Variants in NAV3 observed in about 807,000 individuals in gnomAD.
The protein encoded by NAV3 is pore membrane and/or filament interacting like protein 1.
In NAV3, 87 loss-of-function variants were observed where a neutral mutation model predicts 244.7. The observed-to-expected ratio is 0.36, with a 90% confidence interval of 0.30 to 0.42. NAV3 has a LOEUF of 0.42. Among genes scored for constraint, NAV3 ranks in the 20% least tolerant of loss-of-function variants. NAV3 has a pLI of 1.00. For synonymous variants in NAV3, 1,126 were observed against 1,042.2 expected (o/e 1.08, Z -1.55); for missense variants, 2,663 against 2,893.3 (o/e 0.92, Z 1.83).
At chr12:77,778,313 A>C (rs934532645) in intron 2 of NAV3, among the ~76,000 whole-genome samples, 43 of 149,380 alleles carry the variant, frequency 2.9e-4, no homozygotes, top group Non-Finnish European at 1.9e-4. Flanking sequence ...CAAATTTCGT[A>C]ATGAGAATGC....
intron 2 of NAV3, among the ~76,000 whole-genome samples, chr12:77,643,191 T>C (rs1001791777): frequency 6.6e-6 from 1 of 152,076 alleles, no homozygotes; most frequent in African/African-American, 2.4e-5. Flanking sequence ...ATTGTTTTAC[T>C]TCTTATGTCT....
At chr12:78,207,186 T>G (rs541346129) in intron 39 of NAV3, among the ~76,000 whole-genome samples, 2 of 152,264 alleles carry the variant, frequency 1.3e-5, no homozygotes, top group Admixed American at 1.3e-4. Context: ...CACTATTTAG[T>G]GTCAAGAAAC....
At chr12:77,614,176 C>T (rs1288135666) in intron 2 of NAV3, among the ~76,000 whole-genome samples, 3 of 137,662 alleles carry the variant, frequency 2.2e-5, no homozygotes, top group Non-Finnish European at 4.6e-5. Flanking sequence ...GATACTTACT[C>T]TTAGCAGCAT....
chr12:77,816,471 A>G (rs147723687), intron 2 of NAV3, among the ~76,000 whole-genome samples: 1,729 of 152,298 alleles, frequency 0.011, 25 homozygotes, highest in South Asian at 0.028. Context: ...TTAATTATTA[A>G]GTACTATCCA....
chr12:77,731,394 A>G (rs963620130), intron 2 of NAV3, among the ~76,000 whole-genome samples: 3 of 152,038 alleles, frequency 2.0e-5, no homozygotes, highest in Non-Finnish European at 2.9e-5. Flanking sequence ...GAGGTGCTCA[A>G]TTATACAAAA....
At chr12:77,667,181 T>A (rs986442565) in intron 2 of NAV3, among the ~76,000 whole-genome samples, 2 of 152,062 alleles carry the variant, frequency 1.3e-5, no homozygotes, top group African/African-American at 4.8e-5. Flanking sequence ...ACAGACAGAG[T>A]AGCATGTGAA....
intron 26 of NAV3, 43 bp from the exon 27 acceptor site, chr12:78,177,098 A>G: frequency 1.9e-6 from 3 of 1,609,818 alleles, no homozygotes; most frequent in Non-Finnish European, 2.5e-6. Flanking sequence ...AAAGCTCTCC[A>G]AGTGCAAATA....
chr12:78,066,691 T>A (rs1014562218), intron 12 of NAV3, among the ~76,000 whole-genome samples: 12 of 152,120 alleles, frequency 7.9e-5, no homozygotes, highest in African/African-American at 2.9e-4. Flanking sequence ...TCATATATAA[T>A]CATGCTTTTA....
intron 8 of NAV3, among the ~76,000 whole-genome samples, chr12:78,016,487 G>A (rs749743145): frequency 2.6e-5 from 4 of 151,932 alleles, no homozygotes; most frequent in Non-Finnish European, 4.4e-5. Flanking sequence ...CCCCTGAATC[G>A]AGTAAATCTT....
chr12:77,850,879 T>G (rs1877406869), intron 1 of NAV3, among the ~76,000 whole-genome samples: 1 of 152,298 alleles, frequency 6.6e-6, no homozygotes, highest in South Asian at 2.1e-4. Context: ...GCTGTGAGAC[T>G]TGGGCTATGT....
intron 2 of NAV3, among the ~76,000 whole-genome samples, chr12:77,699,714 G>A (rs550290628): frequency 1.3e-5 from 2 of 152,022 alleles, no homozygotes; most frequent in African/African-American, 4.8e-5. Context: ...AGTGGCTTCA[G>A]GGTAGTTGAA....
At chr12:77,832,269 T>A (rs1237994033) in intron 1 of NAV3, among the ~76,000 whole-genome samples, 4 of 152,216 alleles carry the variant, frequency 2.6e-5, no homozygotes, top group African/African-American at 9.6e-5. Flanking sequence ...GAAACGCTAC[T>A]CTTTTACTTA....
intron 2 of NAV3, among the ~76,000 whole-genome samples, chr12:77,791,472 C>T (rs1458568364): frequency 7.9e-5 from 12 of 152,006 alleles, no homozygotes; most frequent in Non-Finnish European, 4.4e-5. Context: ...AAACAAGACC[C>T]GTGATAAGAT....
At chr12:77,590,263 A>T (rs1708186510) in intron 2 of NAV3, among the ~76,000 whole-genome samples, 1 of 152,202 alleles carries the variant, frequency 6.6e-6, no homozygotes, top group Non-Finnish European at 1.5e-5. Context: ...TGATTCATCA[A>T]TGATGGACTA....
At chr12:77,752,705 A>ACTTTATATCTCTTT (rs1489572482) in intron 2 of NAV3, among the ~76,000 whole-genome samples, 1 of 152,148 alleles carries the variant, frequency 6.6e-6, no homozygotes, top group Non-Finnish European at 1.5e-5. Context: ...ATGAGATATT[A>ACTTTATATCTCTTT]ATAGTCTCTA....
At position 77,940,440 on chromosome 12, in the gene NAV3, A is replaced by AG. The variant is rs754199759; in HGVS notation, c.361+5dup. On this transcript the variant is annotated splice_donor_region_variant and intron_variant, in intron 2 of 39. Transcript: ENST00000397909. ...GCAGAAATCATCCAGATTATTGGTA[A>AG]GCCCTTCCTTCTGAAAGAAAGCATG... 1 of 1,603,252 alleles carries AG rather than the reference A, an allele frequency of 6.2e-7. No homozygotes were observed. Among genetic ancestry groups the AG allele is most frequent in the Admixed American group, 1.7e-5 (1 of 59,576 alleles).
chr12:77,677,404 G>A (rs1874253531), intron 2 of NAV3, among the ~76,000 whole-genome samples: 1 of 152,168 alleles, frequency 6.6e-6, no homozygotes, highest in African/African-American at 2.4e-5. Context: ...TGCTTAGAAG[G>A]GCCCTGCACT....
At chr12:78,078,993 T>C (rs1266978465) in intron 12 of NAV3, among the ~76,000 whole-genome samples, 1 of 152,192 alleles carries the variant, frequency 6.6e-6, no homozygotes, top group Non-Finnish European at 1.5e-5. Flanking sequence ...GACTTGGTGA[T>C]TCCTTAAATA....
At chr12:78,052,658 A>G (rs1275933403) in intron 11 of NAV3, among the ~76,000 whole-genome samples, 3 of 152,118 alleles carry the variant, frequency 2.0e-5, no homozygotes, top group Non-Finnish European at 4.4e-5. Context: ...AGTTATAATT[A>G]TCATTTTTGT....
Sources: allele counts gnomAD v4.1 joint callset (sites outside exome capture counted in the v4.1 genomes callset), GRCh38; gene constraint gnomAD v4.1.1; transcripts MANE v1.5; gene names NCBI Gene and HGNC (gene_info 2026-07-23, HGNC 2026-07-21).